Variants in CACNA1H observed in about 807,000 individuals in gnomAD.
CACNA1H encodes calcium voltage-gated channel subunit alpha1 H.
CACNA1H carries 149 observed loss-of-function variants against 192.5 expected under a neutral mutation model. The ratio of observed to expected loss-of-function variants is 0.77; its 90% CI spans 0.68 to 0.89. The LOEUF (loss-of-function observed/expected upper bound fraction) is 0.89, where lower values mean the gene tolerates loss of function less well. Among genes scored for constraint, CACNA1H ranks in the 40% least tolerant of loss-of-function variants. The pLI is 0.00. For synonymous variants in CACNA1H, 2,202 were observed against 1,475.2 expected, an observed-to-expected ratio of 1.49 and a Z score of -11.29; for missense variants, 4,257 against 3,423.5, an observed-to-expected ratio of 1.24 and a Z score of -6.08.
intron 2 of CACNA1H, among the ~76,000 whole-genome samples, chr16:1,177,388 C>T (rs146849833): frequency 9.2e-5 from 14 of 152,336 alleles, no homozygotes; most frequent in South Asian, 2.1e-4. Context: ...CCTCATGGTA[C>T]GGTGCGGGGA....
At chr16:1,199,877 T>G (rs11640926) in intron 6 of CACNA1H, among the ~76,000 whole-genome samples, 15,443 of 151,996 alleles carry the variant, frequency 0.1, 961 homozygotes, top group Non-Finnish European at 0.14. Context: ...CTTCCAGGAG[T>G]TGCTGAGGTC....
intron 2 of CACNA1H, among the ~76,000 whole-genome samples, chr16:1,156,573 G>C (rs979781390): frequency 2.0e-4 from 30 of 152,266 alleles, no homozygotes; most frequent in Non-Finnish European, 1.0e-4. Flanking sequence ...GCTGGGGTGT[G>C]TCCCGTAGCA....
chr16:1,211,024 C>A, intron 21 of CACNA1H, 53 bp downstream of exon 21: 1 of 1,565,782 alleles, frequency 6.4e-7, no homozygotes, highest in Non-Finnish European at 8.6e-7. Flanking sequence ...AGTCCCCTGA[C>A]GCCACTGCCC....
Position 1,206,295 on chromosome 16 carries a change from C to T in CACNA1H, c.2789+6C>T, listed in dbSNP as rs201029419. ...CTCTTCATTTTCATCTTCAGGTGGG[C>T]GCAACCCCCCTCCCGGCCCGCCCAG... On this transcript the variant is annotated splice_donor_region_variant and intron_variant, in intron 12 of 34. Transcript: ENST00000348261. 203 of 1,550,720 alleles carry T rather than the reference C, an allele frequency of 1.3e-4. No individual in the cohort carries two copies. The highest frequency in any genetic ancestry group is 1.5e-4 in the Non-Finnish European group (172 of 1,147,700).
At chr16:1,170,532 C>G (rs980937854) in intron 2 of CACNA1H, among the ~76,000 whole-genome samples, 1 of 152,224 alleles carries the variant, frequency 6.6e-6, no homozygotes, top group African/African-American at 2.4e-5. Flanking sequence ...TGCGGACCCC[C>G]ACAAGCCCAG....
At position 1,203,037 on chromosome 16, in the gene CACNA1H, G is replaced by A. The variant is rs76412933; in HGVS notation, c.2002+585G>A. Among the ~76,000 whole-genome samples, 958 of 151,714 alleles carry A rather than the reference G, an allele frequency of 6.3e-3. 9 individuals carry two copies. Among genetic ancestry groups the A allele is most frequent in the African/African-American group, 0.022 (911 of 41,322 alleles). Reference sequence around the variant, plus strand: ...CCACACGGGCCTGGGGGCCCTTCCTGGTTCTGTACACAGATGTAGAGACGC... The same window carrying A: ...CCACACGGGCCTGGGGGCCCTTCCTAGTTCTGTACACAGATGTAGAGACGC... On this transcript the variant is annotated intron_variant, in intron 9 of 34. Coordinates refer to ENST00000348261, the MANE Select transcript of CACNA1H (RefSeq NM_021098.3).
intron 6 of CACNA1H, among the ~76,000 whole-genome samples, chr16:1,199,580 C>T (rs1241246842): frequency 6.6e-6 from 1 of 151,264 alleles, no homozygotes; most frequent in Non-Finnish European, 1.5e-5. Flanking sequence ...CCCCACACCC[C>T]AGAGTCCGTC....
At position 1,180,352 on chromosome 16, in the gene CACNA1H, T is replaced by TG. The variant is rs1965342886; in HGVS notation, c.300-14615dup. Among the ~76,000 whole-genome samples the TG allele has an allele frequency of 1.3e-5, 2 of 152,074 alleles. No homozygotes were observed. Among genetic ancestry groups the TG allele is most frequent in the Non-Finnish European group, 2.9e-5 (2 of 67,982 alleles). On this transcript the variant is annotated intron_variant, in intron 2 of 34. Coordinates refer to ENST00000348261, the MANE Select transcript of CACNA1H (RefSeq NM_021098.3). The surrounding 1 kb of genome is among the most constrained non-coding windows in gnomAD (Gnocchi z 4.4). ...GGGCTGGGGAGGACGGTCCCATAGC[T>TG]GGGGGCAGAGCAGGGCAGGCTGGGT... is the stretch of plus-strand genomic sequence containing the variant.
intron 2 of CACNA1H, among the ~76,000 whole-genome samples, chr16:1,168,238 CCCA>C (rs1964000509): frequency 6.6e-6 from 1 of 151,972 alleles, no homozygotes; most frequent in African/African-American, 2.4e-5. Flanking sequence ...CCCCGATGAG[CCCA>C]CCATGTCCAG....
chr16:1,174,198 G>C (rs1418802324), intron 2 of CACNA1H, among the ~76,000 whole-genome samples: 1 of 152,164 alleles, frequency 6.6e-6, no homozygotes, highest in Non-Finnish European at 1.5e-5. Flanking sequence ...GGCGGCCTCA[G>C]TTTGCTCCTC....
chr16:1,195,428 G>C lies in CACNA1H; in HGVS notation c.412-4G>C, dbSNP rs747026006. ...ACGGGCCCTCCTGATGCCTCCTCCC[G>C]CAGGCCTTTGACGCCTTCATTTTCG... On this transcript the variant is annotated splice_region_variant and splice_polypyrimidine_tract_variant and intron_variant, in intron 3 of 34. Transcript: ENST00000348261. 2.6e-6 allele frequency: 4 copies of C among 1,551,784 alleles called. No individual in the cohort carries two copies. Among genetic ancestry groups the C allele is most frequent in the Non-Finnish European group, 3.5e-6 (4 of 1,147,222 alleles).
intron 2 of CACNA1H, among the ~76,000 whole-genome samples, chr16:1,189,508 C>T (rs1966398118): frequency 6.8e-6 from 1 of 147,684 alleles, no homozygotes. Flanking sequence ...CTTCCACCTC[C>T]TGGGGTCAAG....
At chr16:1,200,962 G>T (rs1967803309) in intron 8 of CACNA1H, among the ~76,000 whole-genome samples, 154 bp downstream of exon 8, 1 of 152,016 alleles carries the variant, frequency 6.6e-6, no homozygotes, top group Admixed American at 6.5e-5. Context: ...GGGTGGGGAG[G>T]TGTGGCTGGG....
intron 2 of CACNA1H, among the ~76,000 whole-genome samples, chr16:1,190,599 C>T (rs539506481): frequency 6.6e-6 from 1 of 152,344 alleles, no homozygotes; most frequent in East Asian, 1.9e-4. Flanking sequence ...GGTTGGGAGG[C>T]GCGCAATACG....
rs1043111001 is a variant in CACNA1H, at chr16:1,153,607, A to G, written c.-18-113A>G. 9 of 595,664 alleles carry G rather than the reference A, an allele frequency of 1.5e-5. No homozygotes were observed. In the Admixed American group the frequency reaches 3.0e-4, roughly 20 times the overall value. 36.9% of individuals were successfully genotyped at this position (595,664 alleles called of 1,614,324 possible). ...GGGGCGGGGGGCGCGTTTGTCTCTA[A>G]TAAGAAAAGACAAAGACATCCCGGC... On this transcript the variant is annotated intron_variant, in intron 1 of 34. Coordinates refer to ENST00000348261, the MANE Select transcript of CACNA1H (RefSeq NM_021098.3).
At chr16:1,209,591 G>A (rs1315275975) in intron 17 of CACNA1H, 179 bp downstream of exon 17, 7 of 728,314 alleles carry the variant, frequency 9.6e-6, no homozygotes, top group South Asian at 1.9e-5. Context: ...AGCCACAGAT[G>A]ATCCCAGAGT....
At chr16:1,216,857 G>A (rs531593430) in intron 30 of CACNA1H, 75 bp from the exon 31 acceptor site, 27 of 1,217,614 alleles carry the variant, frequency 2.2e-5, no homozygotes, top group East Asian at 7.6e-5. Context: ...TGGCCGAGGC[G>A]CCGAGTGCCC....
chr16:1,192,909 G>A (rs776471952), intron 2 of CACNA1H, among the ~76,000 whole-genome samples: 1 of 151,952 alleles, frequency 6.6e-6, no homozygotes, highest in African/African-American at 2.4e-5. Context: ...GAAGGAGAGT[G>A]TGGAGAGAGG....
rs768444322 is a variant in CACNA1H at position 1,204,478 on chromosome 16, CG to C, written c.2451+24del. The C allele has an allele frequency of 6.6e-7, 1 of 1,511,870 alleles. No homozygotes were observed. The highest frequency in any genetic ancestry group is 8.9e-7 in the Non-Finnish European group (1 of 1,129,090). The allele number at this position is 1,511,870 out of a possible 1,614,324, so 93.7% of individuals were successfully genotyped here. On this transcript the variant is annotated intron_variant, in intron 10 of 34. Transcript: ENST00000348261. ...GAGCAGGTGCGGGCTGGCCTGGCCA[CG>C]GGGTGGGCTCCCTGTCAGGCTTGCA...
Sources: allele counts gnomAD v4.1 joint callset (sites outside exome capture counted in the v4.1 genomes callset), GRCh38; gene constraint gnomAD v4.1.1; non-coding constraint Gnocchi (gnomAD v3.1); transcripts MANE v1.5; gene names NCBI Gene and HGNC (gene_info 2026-07-23, HGNC 2026-07-21).